EEFSEC: variants seen among roughly 807,000 people sequenced by gnomAD.
EEFSEC encodes eukaryotic elongation factor, selenocysteine-tRNA specific.
Under a neutral mutation model 42.1 loss-of-function variants are expected in EEFSEC, and 43 were observed. The observed-to-expected ratio is 1.02, with a 90% CI of 0.80 to 1.32. The LOEUF is 1.32. EEFSEC is among the 40% of genes most tolerant of loss of function. EEFSEC has a pLI of 0.00. For synonymous variants in EEFSEC, 354 were observed against 339.1 expected, an observed-to-expected ratio of 1.04 and a Z score of -0.48; for missense variants, 745 against 803.6, an observed-to-expected ratio of 0.93 and a Z score of 0.88.
intron 6 of EEFSEC, among the ~76,000 whole-genome samples, chr3:128,373,067 G>A (rs2067671820): frequency 6.6e-6 from 1 of 152,228 alleles, no homozygotes; most frequent in South Asian, 2.1e-4. Flanking sequence ...AGTGTTTCCT[G>A]AAGAGCGTCT....
At chr3:128,341,174 C>T in intron 4 of EEFSEC, 59 bp from the exon 5 acceptor site, 1 of 1,535,604 alleles carries the variant, frequency 6.5e-7, no homozygotes, top group South Asian at 1.3e-5. Context: ...GCTCCCCTCT[C>T]CTCCCCACAG....
chr3:128,272,788 TG>T (rs1404386908), intron 4 of EEFSEC, among the ~76,000 whole-genome samples: 2 of 152,140 alleles, frequency 1.3e-5, no homozygotes, highest in African/African-American at 4.8e-5. Flanking sequence ...TGTCCACCCC[TG>T]GAGCTGGAAG....
At chr3:128,201,724 TCA>T (rs1246742537) in intron 1 of EEFSEC, among the ~76,000 whole-genome samples, 9 of 152,238 alleles carry the variant, frequency 5.9e-5, no homozygotes, top group Non-Finnish European at 1.0e-4. Context: ...GTCTAATTTA[TCA>T]CTTTTTTCTG....
At chr3:128,269,081 A>C (rs2811537) in intron 4 of EEFSEC, among the ~76,000 whole-genome samples, 127,829 of 152,224 alleles carry the variant, frequency 0.84, 54,150 homozygotes, top group East Asian at 0.99. Flanking sequence ...GAACCATTGC[A>C]TACTGATGGC....
At chr3:128,312,751 G>A (rs903453608) in intron 4 of EEFSEC, among the ~76,000 whole-genome samples, 1 of 152,256 alleles carries the variant, frequency 6.6e-6, no homozygotes, top group Non-Finnish European at 1.5e-5. Context: ...GGGCCAGGCT[G>A]TGGGGAGGAG....
Position 128,390,851 on chromosome 3 carries a change from G to T in EEFSEC, c.1601-17218G>T, listed in dbSNP as rs1430108975. Among the ~76,000 whole-genome samples, 17 of 152,370 alleles carry T rather than the reference G, an allele frequency of 1.1e-4. No individual in the cohort carries two copies. The East Asian group carries it at 2.3e-3, about 21-fold the overall frequency. On this transcript the variant is annotated intron_variant, in intron 6 of 6. Transcript: ENST00000254730. ...CTGCTCTCCCCACACGCTGGCCCCA[G>T]TGCTGGCCCTTGGGGCCTTTGCTTG...
At chr3:128,231,335 T>C (rs1197059059) in intron 1 of EEFSEC, among the ~76,000 whole-genome samples, 5 of 152,318 alleles carry the variant, frequency 3.3e-5, no homozygotes, top group South Asian at 4.1e-4. Flanking sequence ...GTGAAAAATA[T>C]TGACTTTAAA....
At chr3:128,253,812 G>C (rs2066213731) in intron 2 of EEFSEC, among the ~76,000 whole-genome samples, 1 of 152,180 alleles carries the variant, frequency 6.6e-6, no homozygotes. Context: ...AGAACTGATT[G>C]ACAGGTGGGT....
chr3:128,405,334 G>A (rs1278407365), intron 6 of EEFSEC, among the ~76,000 whole-genome samples: 1 of 152,148 alleles, frequency 6.6e-6, no homozygotes, highest in African/African-American at 2.4e-5. Context: ...TAGAGCTGCA[G>A]GGCCAGTGCA....
chr3:128,424,138 C>T, the EEFSEC span, among the ~76,000 whole-genome samples: 1 of 152,196 alleles, frequency 6.6e-6, no homozygotes, highest in South Asian at 2.1e-4. Flanking sequence ...CCCCAAGAGT[C>T]ACCTCTGGCA....
At chr3:128,326,973 G>A (rs2067070514) in intron 4 of EEFSEC, among the ~76,000 whole-genome samples, 1 of 152,176 alleles carries the variant, frequency 6.6e-6, no homozygotes, top group African/African-American at 2.4e-5. Flanking sequence ...GTGTAAATGT[G>A]TGAATGTGTG....
chr3:128,336,229 T>G (rs1344077694), intron 4 of EEFSEC, among the ~76,000 whole-genome samples: 2 of 152,144 alleles, frequency 1.3e-5, no homozygotes, highest in African/African-American at 4.8e-5. Context: ...AGCTGTTCTT[T>G]ACACACCAGC....
intron 2 of EEFSEC, among the ~76,000 whole-genome samples, chr3:128,260,233 G>C (rs147129360): frequency 6.6e-6 from 1 of 152,102 alleles, no homozygotes; most frequent in South Asian, 2.1e-4. Flanking sequence ...TCTTATTATG[G>C]ATTCCTTGTA....
chr3:128,385,615 C>T (rs190756799), intron 6 of EEFSEC, among the ~76,000 whole-genome samples: 4 of 152,362 alleles, frequency 2.6e-5, no homozygotes, highest in African/African-American at 9.6e-5. Flanking sequence ...ACATTTACTA[C>T]ATGCCCAGCA....
At chr3:128,337,200 G>A (rs535109293) in intron 4 of EEFSEC, 11 of 152,316 alleles carry the variant, frequency 7.2e-5, no homozygotes, top group African/African-American at 2.4e-4. Flanking sequence ...GTGTGGCAAT[G>A]CTGTCTGCAT....
chr3:128,156,557 C>G (rs1223320343), intron 1 of EEFSEC, among the ~76,000 whole-genome samples: 3 of 152,202 alleles, frequency 2.0e-5, no homozygotes, highest in Non-Finnish European at 2.9e-5. Flanking sequence ...TACTTTGTGT[C>G]TCTATGCCAC....
chr3:128,239,575 C>A (rs894089898), intron 1 of EEFSEC, among the ~76,000 whole-genome samples: 2 of 152,190 alleles, frequency 1.3e-5, no homozygotes, highest in African/African-American at 4.8e-5. Context: ...GCTGCCACCC[C>A]GTTCCTCCTG....
At chr3:128,405,471 G>T (rs930201806) in intron 6 of EEFSEC, among the ~76,000 whole-genome samples, 1 of 152,172 alleles carries the variant, frequency 6.6e-6, no homozygotes. Context: ...TCAAATCCTG[G>T]CTCTTCTGAA....
At chr3:128,382,210 A>G (rs1389370110) in intron 6 of EEFSEC, among the ~76,000 whole-genome samples, 1 of 152,210 alleles carries the variant, frequency 6.6e-6, no homozygotes, top group African/African-American at 2.4e-5. Context: ...CCAAGGCCTC[A>G]AATCAGAAAT....
Sources: allele counts gnomAD v4.1 joint callset (sites outside exome capture counted in the v4.1 genomes callset), GRCh38; gene constraint gnomAD v4.1.1; transcripts MANE v1.5; gene names NCBI Gene and HGNC (gene_info 2026-07-23, HGNC 2026-07-21).